Variants in OTUD7A observed in about 807,000 individuals in gnomAD.
OTUD7A encodes the protein OTU deubiquitinase 7A.
OTUD7A carries 12 observed loss-of-function variants against 65.7 expected under a neutral mutation model. The ratio of observed to expected loss-of-function variants is 0.18; its 90% CI spans 0.12 to 0.30. The LOEUF (loss-of-function observed/expected upper bound fraction) is 0.30, where lower values mean the gene tolerates loss of function less well. OTUD7A is among the 10% of genes least tolerant of loss of function. The probability of loss-of-function intolerance (pLI) is 1.00; values close to 1 mark genes in which losing one functional copy is unlikely to be tolerated. For synonymous variants in OTUD7A, 641 were observed against 586.3 expected (o/e 1.09, Z -1.35); for missense variants, 1,148 against 1,304.8 (o/e 0.88, Z 1.85).
At chr15:31,541,813 T>A (rs970401228) in intron 5 of OTUD7A, among the ~76,000 whole-genome samples, 1 of 152,164 alleles carries the variant, frequency 6.6e-6, no homozygotes, top group Non-Finnish European at 1.5e-5. Flanking sequence ...TCCTTCCATA[T>A]AGAGTTAGGA....
chr15:31,744,145 A>T (rs1894414521), intron 1 of OTUD7A, among the ~76,000 whole-genome samples: 1 of 152,204 alleles, frequency 6.6e-6, no homozygotes, highest in Non-Finnish European at 1.5e-5. Context: ...TTCTTCCCTT[A>T]AAAAAGACAT....
At chr15:31,868,531 C>T (rs1377860575) in intron 1 of OTUD7A, among the ~76,000 whole-genome samples, 1 of 152,162 alleles carries the variant, frequency 6.6e-6, no homozygotes, top group Non-Finnish European at 1.5e-5. Flanking sequence ...AGTTCTACAG[C>T]AACTACACAC....
At chr15:31,699,080 A>AC (rs916836098) in intron 1 of OTUD7A, among the ~76,000 whole-genome samples, 1 of 132,222 alleles carries the variant, frequency 7.6e-6, no homozygotes. Flanking sequence ...AGTGATTAAT[A>AC]CTTTTTTTTT....
intron 1 of OTUD7A, among the ~76,000 whole-genome samples, chr15:31,810,019 G>GT (rs1191730782): frequency 2.0e-5 from 3 of 152,210 alleles, no homozygotes; most frequent in African/African-American, 7.2e-5. Flanking sequence ...AGGTGAAGGG[G>GT]TAAGTGCAAG....
In OTUD7A at chr15:31,662,567, C is replaced by T. The variant is rs1369631884; in HGVS notation, c.-99-5490G>A. 2.6e-5 allele frequency among the ~76,000 whole-genome samples: 4 copies of T among 152,178 alleles called. No individual in the cohort carries two copies. In the South Asian group the frequency reaches 8.3e-4, roughly 32 times the overall value. The stretch of plus-strand genomic sequence containing the variant: ...CTTGTGTGACAAAATGTTTCAGGTC[C>T]CTTTTCTACATTTACTGTTCCGGAT... On this transcript the variant is annotated intron_variant, in intron 1 of 12. Transcript: ENST00000307050.
intron 1 of OTUD7A, among the ~76,000 whole-genome samples, chr15:31,750,309 G>A (rs1378127191): frequency 6.7e-6 from 1 of 150,190 alleles, no homozygotes; most frequent in Non-Finnish European, 1.5e-5. Flanking sequence ...TCAGGAGACT[G>A]AGGCTTGAGA....
At chr15:31,850,416 G>A (rs141556195) in intron 1 of OTUD7A, among the ~76,000 whole-genome samples, 2,362 of 151,960 alleles carry the variant, frequency 0.016, 67 homozygotes, top group African/African-American at 0.054. Context: ...GTTGTGGGGT[G>A]GGGGGAGTGG....
At position 31,484,445 on chromosome 15, in the gene OTUD7A, C is replaced by G. The variant is rs1313657937; in HGVS notation, c.1651G>C (p.Gly551Arg). Residue 551 changes from glycine to arginine, a missense_variant, in exon 13 of 13, where the codon GGC (glycine) becomes CGC (arginine). Physicochemically the swap from Gly to Arg is moderately radical, Grantham distance 125 (BLOSUM62 -2). Transcript: ENST00000307050. This position sits in a 1 kb window ranked among gnomAD's most constrained non-coding sequence, Gnocchi z 4.5. ...GLGGLVHGKM[G>R]RANSANGKNG... ...TTGCCATTGGCGGAGTTGGCGCGGC[C>G]CATCTTGCCGTGCACCAGGCCGCCG... is the stretch of plus-strand genomic sequence containing the variant. The G allele has an allele frequency of 6.2e-7, 1 of 1,604,044 alleles. No homozygotes were observed. Among genetic ancestry groups the G allele is most frequent in the South Asian group, 1.1e-5 (1 of 91,078 alleles).
chr15:31,525,729 C>T (rs983811365), intron 8 of OTUD7A, among the ~76,000 whole-genome samples: 2 of 152,252 alleles, frequency 1.3e-5, no homozygotes, highest in African/African-American at 2.4e-5. Context: ...ATGGCTGCCC[C>T]ACTGGTCTGG....
chr15:31,534,223 C>T (rs1269116595), intron 5 of OTUD7A, among the ~76,000 whole-genome samples: 3 of 152,116 alleles, frequency 2.0e-5, no homozygotes, highest in African/African-American at 7.2e-5. Flanking sequence ...GAACTATATA[C>T]CATGACCAAG....
At chr15:31,764,735 C>G (rs2140907278) in intron 1 of OTUD7A, among the ~76,000 whole-genome samples, 1 of 152,218 alleles carries the variant, frequency 6.6e-6, no homozygotes, top group Admixed American at 6.5e-5. Context: ...TATACAACAT[C>G]CCCAAAATTC....
At chr15:31,753,658 C>A in intron 1 of OTUD7A, among the ~76,000 whole-genome samples, 1 of 131,736 alleles carries the variant, frequency 7.6e-6, no homozygotes, top group South Asian at 2.4e-4. Flanking sequence ...GAGTAGTATT[C>A]CATCATATAT....
At chr15:31,826,858 C>T (rs1328900437) in intron 1 of OTUD7A, among the ~76,000 whole-genome samples, 1 of 152,218 alleles carries the variant, frequency 6.6e-6, no homozygotes, top group African/African-American at 2.4e-5. Flanking sequence ...TGCTGCTGGT[C>T]TCTACGCTAA....
At chr15:31,593,757 A>T (rs150158123) in intron 3 of OTUD7A, among the ~76,000 whole-genome samples, 1 of 152,334 alleles carries the variant, frequency 6.6e-6, no homozygotes, top group African/African-American at 2.4e-5. Flanking sequence ...ATGAATTTTT[A>T]AAAAACATAT....
chr15:31,724,710 G>A (rs1469441734), intron 1 of OTUD7A, among the ~76,000 whole-genome samples: 1 of 152,152 alleles, frequency 6.6e-6, no homozygotes, highest in East Asian at 1.9e-4. Flanking sequence ...AGGAGTGCTG[G>A]GGTCCTGAAA....
intron 4 of OTUD7A, 130 bp downstream of exon 4, chr15:31,569,888 G>A (rs1278476135): frequency 3.3e-6 from 3 of 901,588 alleles, no homozygotes; most frequent in Non-Finnish European, 5.0e-6. Context: ...GAGAAAGAAG[G>A]CACTGAGAGG....
chr15:31,762,742 T>C (rs1447927991), intron 1 of OTUD7A, among the ~76,000 whole-genome samples: 1 of 152,240 alleles, frequency 6.6e-6, no homozygotes, highest in Non-Finnish European at 1.5e-5. Context: ...CCTAGCTATG[T>C]AGATTGCCTG....
rs1726043327 is a variant in OTUD7A at position 31,612,884 on chromosome 15, A to C, written c.151+42212T>G. Among the ~76,000 whole-genome samples the C allele has an allele frequency of 2.6e-5, 4 of 152,230 alleles. No homozygotes were observed. The South Asian group carries it at 8.3e-4, about 32-fold the overall frequency. On this transcript the variant is annotated intron_variant, in intron 3 of 12. Coordinates refer to ENST00000307050, the MANE Select transcript of OTUD7A (RefSeq NM_001382637.1). ...AAATCTGGAGGCATCACACTACCTG[A>C]TTTCAAACTATACTTTAAGGCCATA...
chr15:31,688,596 G>T (rs1321518858), intron 1 of OTUD7A, among the ~76,000 whole-genome samples: 1 of 152,126 alleles, frequency 6.6e-6, no homozygotes, highest in Non-Finnish European at 1.5e-5. Context: ...CAACATATTT[G>T]GATAATATCA....
Sources: gnomAD v4.1 joint callset for allele counts (sites outside exome capture counted in the v4.1 genomes callset) on GRCh38, gnomAD v4.1.1 for gene constraint, Gnocchi (gnomAD v3.1) non-coding constraint, MANE v1.5 for transcripts, NCBI Gene and HGNC (gene_info 2026-07-23, HGNC 2026-07-21) for gene names.